The following ELF2 variants were observed in gnomAD, a reference collection of about 807,000 sequenced individuals.
The protein encoded by ELF2 is ETS-related transcription factor Elf-2.
ELF2 carries 11 observed loss-of-function variants against 54.8 expected under a neutral mutation model. That is an observed-to-expected ratio of 0.20 (90% CI 0.13 to 0.33). The LOEUF (loss-of-function observed/expected upper bound fraction) is 0.33, where lower values mean the gene tolerates loss of function less well. Ranked by LOEUF, ELF2 falls within the 10% of genes least tolerant of loss-of-function variation. The pLI is 1.00. For missense variants in ELF2, 513 were observed against 703.0 expected, an observed-to-expected ratio of 0.73 and a Z score of 3.06; for synonymous variants, 203 against 245.1, an observed-to-expected ratio of 0.83 and a Z score of 1.61.
intron 4 of ELF2, among the ~76,000 whole-genome samples, chr4:139,113,869 AT>A (rs760666221): frequency 6.8e-6 from 1 of 146,024 alleles, no homozygotes; most frequent in South Asian, 2.2e-4. Context: ...AAAAAAAAAA[AT>A]TAAAAGTAAA....
At chr4:139,094,534 T>TAAGA (rs1733035647) in intron 4 of ELF2, among the ~76,000 whole-genome samples, 1 of 152,102 alleles carries the variant, frequency 6.6e-6, no homozygotes, top group Non-Finnish European at 1.5e-5. Flanking sequence ...GAGCAACAAA[T>TAAGA]AAGATATATA....
intron 4 of ELF2, among the ~76,000 whole-genome samples, chr4:139,100,932 T>TA (rs1036293594): frequency 1.3e-5 from 2 of 152,032 alleles, no homozygotes; most frequent in Non-Finnish European, 1.5e-5. Context: ...ATAGCTCATG[T>TA]AAAAAAACTA....
At chr4:139,160,177 A>C (rs1282656131) in intron 1 of ELF2, among the ~76,000 whole-genome samples, 1 of 152,182 alleles carries the variant, frequency 6.6e-6, no homozygotes, top group Non-Finnish European at 1.5e-5. Flanking sequence ...CTCTACTAAA[A>C]GTACAAAAAA....
At chr4:139,088,878 C>T (rs1732283631) in intron 4 of ELF2, among the ~76,000 whole-genome samples, 1 of 152,166 alleles carries the variant, frequency 6.6e-6, no homozygotes, top group Non-Finnish European at 1.5e-5. Flanking sequence ...CCTACCTCAG[C>T]CTCCAGAGTA....
chr4:139,060,271 G>A (rs1392420759), intron 9 of ELF2, 53 bp downstream of exon 9: 17 of 1,445,162 alleles, frequency 1.2e-5, no homozygotes, highest in South Asian at 1.4e-5. Context: ...TTTTCACCAC[G>A]GAGACTTTTT....
intron 4 of ELF2, among the ~76,000 whole-genome samples, chr4:139,106,914 T>G (rs1046873154): frequency 1.3e-5 from 2 of 151,836 alleles, no homozygotes; most frequent in African/African-American, 4.8e-5. Context: ...TGGCTATTTT[T>G]TTTTTGTATT....
At chr4:139,116,309 CTT>C (rs1369413065) in intron 4 of ELF2, among the ~76,000 whole-genome samples, 4 of 151,126 alleles carry the variant, frequency 2.6e-5, no homozygotes, top group African/African-American at 4.9e-5. Flanking sequence ...GAAAAAAACA[CTT>C]ATTAAAAATT....
intron 1 of ELF2, among the ~76,000 whole-genome samples, chr4:139,141,611 T>C (rs549413210): frequency 6.6e-6 from 1 of 152,270 alleles, no homozygotes; most frequent in Non-Finnish European, 1.5e-5. Flanking sequence ...GGTAGACTAG[T>C]CTAGTCACCT....
intron 6 of ELF2, among the ~76,000 whole-genome samples, chr4:139,070,410 CCTCCCGAAAAG>C (rs925424425): frequency 2.6e-5 from 4 of 151,976 alleles, no homozygotes; most frequent in African/African-American, 9.7e-5. Context: ...CCTGCCTCAG[CCTCCCGAAAAG>C]CTGGGACTAC....
At chr4:139,142,148 G>A (rs1441404438) in intron 1 of ELF2, among the ~76,000 whole-genome samples, 1 of 152,168 alleles carries the variant, frequency 6.6e-6, no homozygotes, top group Non-Finnish European at 1.5e-5. Flanking sequence ...GAAGGCTAAG[G>A]AGTTAAATTA....
Position 139,151,048 on chromosome 4 carries a change from G to GAAAAGAAAAGA in ELF2, c.-251-11552_-251-11551insTCTTTTCTTTT, listed in dbSNP as rs1231430491. Among the ~76,000 whole-genome samples, 8 of 81,610 alleles carry GAAAAGAAAAGA rather than the reference G, an allele frequency of 9.8e-5. 2 individuals carry two copies. Among genetic ancestry groups the GAAAAGAAAAGA allele is most frequent in the African/African-American group, 2.5e-4 (7 of 27,576 alleles). The allele number at this position is 81,610 out of a possible 152,430, so 53.5% of individuals were successfully genotyped here. ...CAAAAAAAAAAAAGAAAGAAAGAAA[G>GAAAAGAAAAGA]AAAGAAAGAAAGAAAGAAAGAAAGA... On this transcript the variant is annotated intron_variant, in intron 1 of 9. Coordinates refer to ENST00000686138, the MANE Select transcript of ELF2 (RefSeq NM_001331036.3).
intron 1 of ELF2, among the ~76,000 whole-genome samples, chr4:139,145,499 G>A (rs1739135321): frequency 6.6e-6 from 1 of 152,214 alleles, no homozygotes. Context: ...AAGGGGGACA[G>A]CACCACATCA....
intron 3 of ELF2, among the ~76,000 whole-genome samples, chr4:139,130,465 A>G (rs144142325): frequency 6.6e-6 from 1 of 152,152 alleles, no homozygotes; most frequent in Non-Finnish European, 1.5e-5. Flanking sequence ...ACTTTTGCTC[A>G]TGTTATTTTG....
At chr4:139,165,289 C>T (rs1345893266) in intron 1 of ELF2, among the ~76,000 whole-genome samples, 2 of 152,184 alleles carry the variant, frequency 1.3e-5, no homozygotes, top group African/African-American at 4.8e-5. Flanking sequence ...TATTATTTCA[C>T]AATGACCTAT....
At chr4:139,157,731 A>C (rs990613601) in intron 1 of ELF2, among the ~76,000 whole-genome samples, 1 of 152,098 alleles carries the variant, frequency 6.6e-6, no homozygotes, top group African/African-American at 2.4e-5. Flanking sequence ...TGCTTCCTTT[A>C]TCAGGCACGT....
rs905832376 is a variant in ELF2, at chr4:139,071,931, T to A, written c.461A>T (p.Glu154Val). The A allele has an allele frequency of 6.2e-7, 1 of 1,613,882 alleles. No homozygotes were observed. The highest frequency in any genetic ancestry group is 1.3e-5 in the African/African-American group (1 of 75,030). ...TGGAATAGGAGAGGTATCCATGGGT[T>A]CAGACTCTTCAGTTGACACCTCCAC... ...TVVEVSTEES[E>V]PMDTSPIPTS... The change falls in exon 6 of 10, where the codon GAA (glutamate) becomes GTA (valine). Residue 154 changes from glutamate (E) to valine (V), a missense_variant. Coordinates refer to ENST00000686138, the MANE Select transcript of ELF2 (RefSeq NM_001331036.3).
At chr4:139,144,088 T>C (rs1268498684) in intron 1 of ELF2, among the ~76,000 whole-genome samples, 1 of 151,932 alleles carries the variant, frequency 6.6e-6, no homozygotes, top group Non-Finnish European at 1.5e-5. Flanking sequence ...AGGAACTTAA[T>C]GGAAAAACGG....
intron 6 of ELF2, 146 bp from the exon 7 acceptor site, chr4:139,067,916 G>T: frequency 1.3e-6 from 1 of 741,236 alleles, no homozygotes; most frequent in South Asian, 2.5e-5. Context: ...GCTTCTAAAA[G>T]GAGTATTACA....
At chr4:139,111,856 A>AC (rs1734977155) in intron 4 of ELF2, among the ~76,000 whole-genome samples, 1 of 152,218 alleles carries the variant, frequency 6.6e-6, no homozygotes, top group Non-Finnish European at 1.5e-5. Context: ...GAGGTAGACA[A>AC]CTTAGTGGAA....
Sources: gnomAD v4.1 joint callset for allele counts (sites outside exome capture counted in the v4.1 genomes callset) on GRCh38, gnomAD v4.1.1 for gene constraint, MANE v1.5 for transcripts, NCBI Gene and HGNC (gene_info 2026-07-23, HGNC 2026-07-21) for gene names.